LTBP1: variants seen among roughly 807,000 people sequenced by gnomAD.
The protein encoded by LTBP1 is latent-transforming growth factor beta-binding protein 1.
LTBP1 carries 129 observed loss-of-function variants against 207.6 expected under a neutral mutation model. The observed-to-expected ratio is 0.62, with a 90% CI of 0.54 to 0.72. The LOEUF (loss-of-function observed/expected upper bound fraction) is 0.72, where lower values mean the gene tolerates loss of function less well. Among genes scored for constraint, LTBP1 ranks in the 30% least tolerant of loss-of-function variants. The pLI, the probability that LTBP1 is intolerant of heterozygous loss-of-function variation, is 0.00. For missense variants in LTBP1, 2,281 were observed against 2,217.2 expected (o/e 1.03, Z -0.58); for synonymous variants, 963 against 833.7 (o/e 1.16, Z -2.67).
Position 33,135,110 on chromosome 2 carries a change from AT to A in LTBP1, c.1201+152del, listed in dbSNP as rs1360605144. On this transcript the variant is annotated intron_variant, in intron 5 of 33. Coordinates refer to ENST00000404816, the MANE Select transcript of LTBP1 (RefSeq NM_206943.4). ...ATGTTTCTTTCATGGGATCTTTTAA[AT>A]TGCTTTTGGAATAATTTTTAACCTG... The A allele has an allele frequency of 5.9e-6, 5 of 847,440 alleles. No homozygotes were observed. In the African/African-American group the frequency reaches 6.9e-5, roughly 12 times the overall value. The allele number at this position is 847,440 out of a possible 1,614,324, so 52.5% of individuals were successfully genotyped here. A position where few individuals can be genotyped will look rare whatever the true frequency, so the allele number is the denominator to read the frequency against.
At position 33,309,481 on chromosome 2, in the gene LTBP1, T is replaced by C; in HGVS notation, c.3529T>C (p.Cys1177Arg). The change falls in exon 23 of 34, where the codon TGC becomes CGC. Residue 1177 changes from cysteine to arginine, a missense_variant. Around this residue, in one of 3 missense-constraint regions of LTBP1, gnomAD observed 1,671 missense variants for 1,634.8 expected, o/e 1.02. Transcript: ENST00000404816. ...CAAGAGTGTTTGCCAGAGAGGAGAC[T>C]GCATTAATACTGCAGGGTCCTATGA... Reference protein sequence around the residue: ...EDKSVCQRGDCINTAGSYDCT... With the variant: ...EDKSVCQRGDRINTAGSYDCT... 2.0e-5 allele frequency: 32 copies of C among 1,610,202 alleles called. No homozygotes were observed. Among genetic ancestry groups the C allele is most frequent in the Non-Finnish European group, 2.5e-5 (30 of 1,178,428 alleles).
chr2:33,304,152 A>C (rs1573730151), intron 22 of LTBP1, among the ~76,000 whole-genome samples: 1 of 152,356 alleles, frequency 6.6e-6, no homozygotes, highest in Non-Finnish European at 1.5e-5. Flanking sequence ...ATGTTCCGTA[A>C]GAAAGCTTCT....
At chr2:33,349,428 A>G (rs1234744948) in intron 26 of LTBP1, among the ~76,000 whole-genome samples, 1 of 149,942 alleles carries the variant, frequency 6.7e-6, no homozygotes, top group African/African-American at 2.5e-5. Flanking sequence ...CAACAGAGCC[A>G]GATTCTGTCT....
chr2:33,288,439 C>T (rs2093707933), intron 19 of LTBP1, among the ~76,000 whole-genome samples: 1 of 152,134 alleles, frequency 6.6e-6, no homozygotes, highest in South Asian at 2.1e-4. Context: ...CACCCCAAGG[C>T]AACGAGACAA....
At chr2:33,019,874 ATTTT>A (rs3047195) in intron 2 of LTBP1, among the ~76,000 whole-genome samples, 4 of 135,030 alleles carry the variant, frequency 3.0e-5, no homozygotes, top group Admixed American at 7.4e-5. Context: ...AGCTAATTAA[ATTTT>A]TTTTTTTTTT....
intron 10 of LTBP1, among the ~76,000 whole-genome samples, chr2:33,247,642 G>A (rs115086255): frequency 0.022 from 3,423 of 152,306 alleles, 61 homozygotes; most frequent in Non-Finnish European, 0.036. Flanking sequence ...GTTTGCTGAC[G>A]CTCAAGCTAA....
chr2:32,955,209 C>T (rs993005023), intron 2 of LTBP1, among the ~76,000 whole-genome samples: 5 of 152,174 alleles, frequency 3.3e-5, no homozygotes, highest in Non-Finnish European at 7.3e-5. Flanking sequence ...CCAACCTCAA[C>T]GCTTAGCAAT....
At chr2:33,320,236 G>A (rs1002263767) in intron 24 of LTBP1, among the ~76,000 whole-genome samples, 2 of 151,956 alleles carry the variant, frequency 1.3e-5, no homozygotes, top group Admixed American at 6.6e-5. Context: ...GGTTGTGGCC[G>A]TGCACACCTG....
At chr2:33,071,698 C>T (rs530600210) in intron 3 of LTBP1, among the ~76,000 whole-genome samples, 2 of 152,306 alleles carry the variant, frequency 1.3e-5, no homozygotes, top group East Asian at 3.9e-4. Context: ...CTTCCTCATG[C>T]AGATAGTAGT....
chr2:33,337,519 A>G (rs565739674), intron 24 of LTBP1, among the ~76,000 whole-genome samples: 1 of 152,310 alleles, frequency 6.6e-6, no homozygotes, highest in African/African-American at 2.4e-5. Flanking sequence ...CCATTGAAAT[A>G]TCAATATTTA....
chr2:33,251,664 C>CAAAAAAAAA (rs537403994), intron 10 of LTBP1, among the ~76,000 whole-genome samples: 3 of 65,846 alleles, frequency 4.6e-5, no homozygotes, highest in Admixed American at 1.8e-4. Context: ...GACTCAGTCT[C>CAAAAAAAAA]AAAAAAAAAA....
intron 19 of LTBP1, among the ~76,000 whole-genome samples, chr2:33,288,933 CAA>C (rs2093722145): frequency 1.3e-5 from 2 of 151,438 alleles, no homozygotes; most frequent in Non-Finnish European, 2.9e-5. Flanking sequence ...TTAATCTTGA[CAA>C]AGAACTGTAG....
chr2:33,331,354 G>A (rs982106487), intron 24 of LTBP1, among the ~76,000 whole-genome samples: 1 of 151,328 alleles, frequency 6.6e-6, no homozygotes, highest in African/African-American at 2.4e-5. Context: ...GTATTTATAG[G>A]TATATATTTC....
At chr2:33,384,984 T>C (rs1481324765) in intron 31 of LTBP1, among the ~76,000 whole-genome samples, 3 of 152,246 alleles carry the variant, frequency 2.0e-5, no homozygotes, top group African/African-American at 4.8e-5. Flanking sequence ...TGAAATCCAC[T>C]TCTATAAACC....
chr2:33,006,981 T>C (rs1017160382), intron 2 of LTBP1, among the ~76,000 whole-genome samples: 6 of 152,220 alleles, frequency 3.9e-5, no homozygotes, highest in African/African-American at 1.2e-4. Flanking sequence ...CAAAGTCTAA[T>C]TACTGTGGTC....
In LTBP1 at chr2:32,998,255, C is replaced by T. The variant is rs111649993; in HGVS notation, c.566-22654C>T. Among the ~76,000 whole-genome samples the T allele has an allele frequency of 8.6e-3, 1,306 of 152,146 alleles. 26 individuals are homozygous for T. Among genetic ancestry groups the T allele is most frequent in the African/African-American group, 0.029 (1,202 of 41,502 alleles). On this transcript the variant is annotated intron_variant, in intron 2 of 33. Coordinates refer to ENST00000404816, the MANE Select transcript of LTBP1 (RefSeq NM_206943.4). The stretch of plus-strand genomic sequence containing the variant: ...GTTGTTGGCTGAGCACGGTGGCTCA[C>T]GCCTGTAATCCCAGCACTCTGGGAG...
At chr2:33,208,140 C>T (rs2090017468) in intron 7 of LTBP1, among the ~76,000 whole-genome samples, 1 of 152,180 alleles carries the variant, frequency 6.6e-6, no homozygotes, top group African/African-American at 2.4e-5. Context: ...TACTAGAATA[C>T]CCCAAGGCTT....
Position 33,181,599 on chromosome 2 carries a change from G to C in LTBP1, c.1202-5257G>C, listed in dbSNP as rs1558767297. ...CTCTTGTTAATTGCAGTAGTTCCCA[G>C]GTGACTCTCTGATGCAATATAGTGA... is the stretch of plus-strand genomic sequence containing the variant. On this transcript the variant is annotated intron_variant, in intron 5 of 33. Transcript: ENST00000404816. 5.9e-5 allele frequency among the ~76,000 whole-genome samples: 9 copies of C among 152,198 alleles called. No homozygotes were observed. The South Asian group carries it at 1.9e-3, about 32-fold the overall frequency.
At chr2:32,961,239 G>A (rs1219110861) in intron 2 of LTBP1, among the ~76,000 whole-genome samples, 2 of 152,170 alleles carry the variant, frequency 1.3e-5, no homozygotes, top group African/African-American at 2.4e-5. Flanking sequence ...CCAGCCTTGT[G>A]CTGACTGGAC....
Sources: gnomAD v4.1 joint callset for allele counts (sites outside exome capture counted in the v4.1 genomes callset) on GRCh38, gnomAD v4.1.1 for gene constraint, gnomAD v4.1.1 regional missense constraint, MANE v1.5 for transcripts, NCBI Gene and HGNC (gene_info 2026-07-23, HGNC 2026-07-21) for gene names.